The following CLVS1 variants were observed in gnomAD, a reference collection of about 807,000 sequenced individuals.
CLVS1 encodes the protein clavesin 1, also known as clavesin-1.
A neutral mutation model predicts 33.1 loss-of-function variants in CLVS1; 10 were observed. That is an observed-to-expected ratio of 0.30 (90% CI 0.19 to 0.51). The LOEUF is 0.51. CLVS1 is among the 20% of genes least tolerant of loss of function. The probability of loss-of-function intolerance (pLI) is 0.97; values close to 1 mark genes in which losing one functional copy is unlikely to be tolerated. For missense variants in CLVS1, 343 were observed against 433.4 expected (o/e 0.79, Z 1.85); for synonymous variants, 163 against 166.1 (o/e 0.98, Z 0.14).
At chr8:60,984,397 T>G in the CLVS1 span, among the ~76,000 whole-genome samples, 1 of 151,584 alleles carries the variant, frequency 6.6e-6, no homozygotes, top group African/African-American at 2.4e-5. Context: ...CTCAGCTCAC[T>G]GCAATCTTTG....
At chr8:61,280,161 G>A (rs187635384) in intron 2 of CLVS1, among the ~76,000 whole-genome samples, 2,106 of 152,166 alleles carry the variant, frequency 0.014, 14 homozygotes, top group Non-Finnish European at 0.016. Context: ...TGTTCTTTTG[G>A]AATTCAAAAT....
intron 2 of CLVS1, among the ~76,000 whole-genome samples, chr8:61,175,847 T>C (rs1807102991): frequency 1.3e-5 from 2 of 152,196 alleles, no homozygotes; most frequent in South Asian, 4.1e-4. Flanking sequence ...ATTTGTGATT[T>C]GTTACAGCAG....
the CLVS1 span, among the ~76,000 whole-genome samples, chr8:60,977,466 T>G: frequency 6.6e-6 from 1 of 151,924 alleles, no homozygotes; most frequent in East Asian, 1.9e-4. Context: ...AAATAATGTA[T>G]GAACAAAATG....
At chr8:61,285,525 A>G (rs1229057822), upstream of CLVS1, among the ~76,000 whole-genome samples, 3 of 152,158 alleles carry the variant, frequency 2.0e-5, no homozygotes, top group Non-Finnish European at 4.4e-5. Context: ...TTGTGCATAA[A>G]CAGTCAATGA....
At chr8:61,366,016 GCAGATCCT>G (rs1420690896) in intron 2 of CLVS1, among the ~76,000 whole-genome samples, 1 of 152,142 alleles carries the variant, frequency 6.6e-6, no homozygotes, top group Non-Finnish European at 1.5e-5. Flanking sequence ...TTACTTTTCT[GCAGATCCT>G]CAGCCAAGGG....
chr8:61,243,191 T>A (rs1215014959), intron 2 of CLVS1, among the ~76,000 whole-genome samples: 1 of 152,262 alleles, frequency 6.6e-6, no homozygotes, highest in Non-Finnish European at 1.5e-5. Flanking sequence ...GTGGTTCAGA[T>A]CTAAGATGAG....
chr8:61,365,438 A>T (rs1377539741), intron 2 of CLVS1, among the ~76,000 whole-genome samples: 1 of 152,030 alleles, frequency 6.6e-6, no homozygotes, highest in East Asian at 1.9e-4. Flanking sequence ...GAGGCAGGAG[A>T]ATAGCTTGAA....
At chr8:61,033,041 GAAAGAAAA>G in the CLVS1 span, among the ~76,000 whole-genome samples, 365 of 99,782 alleles carry the variant, frequency 3.7e-3, 15 homozygotes, top group African/African-American at 0.012. Flanking sequence ...AAGAAAGAAA[GAAAGAAAA>G]AGAAAGAAAG....
the CLVS1 span, among the ~76,000 whole-genome samples, chr8:61,041,923 C>T: frequency 2.0e-5 from 3 of 152,084 alleles, no homozygotes; most frequent in Non-Finnish European, 4.4e-5. Flanking sequence ...CTCTGTCATC[C>T]ATACTGGGCT....
intron 2 of CLVS1, among the ~76,000 whole-genome samples, chr8:61,197,213 T>C (rs1039000149): frequency 2.0e-5 from 3 of 152,240 alleles, no homozygotes; most frequent in African/African-American, 7.2e-5. Context: ...TGGTGAGATA[T>C]AGGAGTCTAG....
At chr8:61,293,394 G>T (rs967292494) in intron 1 of CLVS1, among the ~76,000 whole-genome samples, 2 of 152,076 alleles carry the variant, frequency 1.3e-5, no homozygotes, top group African/African-American at 4.8e-5. Flanking sequence ...AAACCATAAT[G>T]GCCAATCTGA....
At chr8:61,227,995 T>C (rs777595110) in intron 2 of CLVS1, among the ~76,000 whole-genome samples, 25 of 152,082 alleles carry the variant, frequency 1.6e-4, no homozygotes, top group African/African-American at 5.8e-4. Flanking sequence ...ATACCGGAAG[T>C]GATGTGAAGA....
chr8:61,047,340 C>G, the CLVS1 span, among the ~76,000 whole-genome samples: 1 of 152,138 alleles, frequency 6.6e-6, no homozygotes, highest in Non-Finnish European at 1.5e-5. Flanking sequence ...GAAATAGGAA[C>G]AATTTTACAC....
chr8:61,365,769 G>A (rs917454440), intron 2 of CLVS1, among the ~76,000 whole-genome samples: 32 of 141,276 alleles, frequency 2.3e-4, no homozygotes, highest in Non-Finnish European at 2.1e-4. Context: ...GTGTGTGTGT[G>A]TGTGTGCGTG....
At chr8:61,134,606 G>A (rs1315181156) in intron 2 of CLVS1, among the ~76,000 whole-genome samples, 2 of 152,188 alleles carry the variant, frequency 1.3e-5, no homozygotes, top group Admixed American at 6.5e-5. Flanking sequence ...CCCAGAGGCT[G>A]CCTGAATTCC....
At chr8:61,375,149 C>A (rs569736954) in intron 2 of CLVS1, among the ~76,000 whole-genome samples, 34 of 151,974 alleles carry the variant, frequency 2.2e-4, no homozygotes, top group Non-Finnish European at 4.4e-4. Context: ...AAATAAGAGT[C>A]CTTTGAAAGT....
chr8:61,087,353 A>C (rs570369971), intron 1 of CLVS1, among the ~76,000 whole-genome samples: 148 of 152,062 alleles, frequency 9.7e-4, no homozygotes, highest in Non-Finnish European at 1.8e-3. Flanking sequence ...TCTTGCAGAG[A>C]CCCCCAAAGG....
At chr8:61,337,459 C>T (rs933967807) in intron 2 of CLVS1, among the ~76,000 whole-genome samples, 4 of 152,092 alleles carry the variant, frequency 2.6e-5, no homozygotes, top group African/African-American at 9.7e-5. Flanking sequence ...CTGGACAGTC[C>T]CTCTCCCTGA....
the CLVS1 span, among the ~76,000 whole-genome samples, chr8:60,970,429 C>T: frequency 6.6e-6 from 1 of 152,190 alleles, no homozygotes; most frequent in Admixed American, 6.5e-5. Context: ...TGGTTAATTC[C>T]TTTGTTTTAT....
Sources: gnomAD v4.1 joint callset for allele counts (sites outside exome capture counted in the v4.1 genomes callset) on GRCh38, gnomAD v4.1.1 for gene constraint, MANE v1.5 for transcripts, NCBI Gene and HGNC (gene_info 2026-07-23, HGNC 2026-07-21) for gene names.